Variants in NBEA observed in about 807,000 individuals in gnomAD.
NBEA encodes the protein lysosomal-trafficking regulator 2.
In NBEA, 44 loss-of-function variants were observed where a neutral mutation model predicts 343.4. The observed-to-expected ratio is 0.13, with a 90% CI of 0.10 to 0.16. The LOEUF is 0.16. Among genes scored for constraint, NBEA ranks in the 10% least tolerant of loss-of-function variants. The probability of loss-of-function intolerance (pLI) is 1.00; values close to 1 mark genes in which losing one functional copy is unlikely to be tolerated. For missense variants in NBEA, 2,555 were observed against 3,631.3 expected, an observed-to-expected ratio of 0.70 and a Z score of 7.62; for synonymous variants, 1,175 against 1,238.7, an observed-to-expected ratio of 0.95 and a Z score of 1.08.
intron 36 of NBEA, among the ~76,000 whole-genome samples, chr13:35,330,428 C>T (rs1021569527): frequency 6.6e-6 from 1 of 151,986 alleles, no homozygotes. Flanking sequence ...CGCAGGAGCA[C>T]AGATGGGTTT....
chr13:35,281,668 A>T (rs900250055), intron 34 of NBEA, among the ~76,000 whole-genome samples: 7 of 152,240 alleles, frequency 4.6e-5, no homozygotes, highest in African/African-American at 1.7e-4. Flanking sequence ...ATGATATATT[A>T]TTTAAGTATT....
intron 49 of NBEA, among the ~76,000 whole-genome samples, chr13:35,637,041 C>T (rs2083720446): frequency 6.6e-6 from 1 of 152,094 alleles, no homozygotes. Flanking sequence ...TTTGGTCATT[C>T]CTACCCCAAC....
intron 39 of NBEA, among the ~76,000 whole-genome samples, chr13:35,439,877 T>C (rs1399559821): frequency 6.6e-6 from 1 of 152,082 alleles, no homozygotes; most frequent in East Asian, 1.9e-4. Flanking sequence ...ACTTGATTGA[T>C]TTTTTTTGTT....
At chr13:35,574,530 C>T (rs1468703070) in intron 45 of NBEA, among the ~76,000 whole-genome samples, 1 of 151,998 alleles carries the variant, frequency 6.6e-6, no homozygotes, top group East Asian at 1.9e-4. Context: ...AAAAGAAATG[C>T]GGTCAGTGAG....
chr13:35,564,041 C>G (rs1291934168), intron 44 of NBEA, among the ~76,000 whole-genome samples: 3 of 151,968 alleles, frequency 2.0e-5, no homozygotes, highest in Non-Finnish European at 4.4e-5. Flanking sequence ...CTCCTTCCCT[C>G]TACCCTCAAG....
At chr13:35,670,194 G>C (rs1052340279) in intron 58 of NBEA, among the ~76,000 whole-genome samples, 1 of 152,168 alleles carries the variant, frequency 6.6e-6, no homozygotes, top group Non-Finnish European at 1.5e-5. Flanking sequence ...CCTGAAACCT[G>C]AGTTCAGTCA....
chr13:35,125,624 G>A (rs1040175241), intron 17 of NBEA, among the ~76,000 whole-genome samples: 18 of 152,264 alleles, frequency 1.2e-4, no homozygotes, highest in African/African-American at 4.3e-4. Flanking sequence ...ATGCATGGAA[G>A]TGTCCTGCAG....
chr13:35,074,519 A>G (rs1445666555), intron 10 of NBEA, among the ~76,000 whole-genome samples: 4 of 152,166 alleles, frequency 2.6e-5, no homozygotes, highest in Admixed American at 6.5e-5. Context: ...ATTAGAAACC[A>G]GTGTAATATA....
chr13:35,634,030 A>C (rs1327042336), intron 49 of NBEA, among the ~76,000 whole-genome samples: 1 of 152,014 alleles, frequency 6.6e-6, no homozygotes, highest in African/African-American at 2.4e-5. Flanking sequence ...TATATCCTTT[A>C]TTATCCTTTA....
At chr13:35,007,765 T>C (rs1048003509) in intron 1 of NBEA, among the ~76,000 whole-genome samples, 1 of 152,198 alleles carries the variant, frequency 6.6e-6, no homozygotes, top group Non-Finnish European at 1.5e-5. Flanking sequence ...AGTGCTGGAA[T>C]TACTGGTCTG....
At chr13:34,976,261 A>G (rs2060170565) in intron 1 of NBEA, among the ~76,000 whole-genome samples, 1 of 152,226 alleles carries the variant, frequency 6.6e-6, no homozygotes, top group African/African-American at 2.4e-5. Context: ...GAATGAAATA[A>G]TGGCATTCTC....
intron 41 of NBEA, chr13:35,474,430 A>C (rs1056834504): frequency 6.5e-6 from 1 of 152,702 alleles, no homozygotes; most frequent in African/African-American, 2.4e-5. Context: ...CAATATTTGA[A>C]ACAAAATGTA....
chr13:35,336,881 G>A (rs1472042933), intron 36 of NBEA, among the ~76,000 whole-genome samples: 1 of 152,012 alleles, frequency 6.6e-6, no homozygotes, highest in Non-Finnish European at 1.5e-5. Context: ...TAGAAGGTGG[G>A]ATAAAGGAGA....
At chr13:35,581,219 C>G (rs890250358) in intron 45 of NBEA, among the ~76,000 whole-genome samples, 5 of 152,042 alleles carry the variant, frequency 3.3e-5, no homozygotes, top group Admixed American at 6.6e-5. Flanking sequence ...AATGGTTGAA[C>G]TAGTTTACAG....
intron 38 of NBEA, among the ~76,000 whole-genome samples, chr13:35,386,019 A>G (rs917129703): frequency 9.2e-5 from 14 of 152,142 alleles, no homozygotes; most frequent in Admixed American, 5.9e-4. Context: ...GCCAGGTTTT[A>G]ATTAAAATAC....
At chr13:35,490,379 A>G (rs17052262) in intron 41 of NBEA, among the ~76,000 whole-genome samples, 1,586 of 152,022 alleles carry the variant, frequency 0.01, 35 homozygotes, top group African/African-American at 0.036. Context: ...GTACCACTTT[A>G]TTAGTTAGAC....
At chr13:35,485,676 C>T (rs1236454047) in intron 41 of NBEA, among the ~76,000 whole-genome samples, 2 of 152,082 alleles carry the variant, frequency 1.3e-5, no homozygotes, top group African/African-American at 4.8e-5. Context: ...ACAAATGCCC[C>T]TCTCTATGCA....
At chr13:35,165,231 A>G in intron 24 of NBEA, 1 of 443,082 alleles carries the variant, frequency 2.3e-6, no homozygotes, top group Non-Finnish European at 4.6e-6. Context: ...GTATTTCATC[A>G]TTAACAAGCT....
At chr13:34,972,876 C>A (rs1308479476) in intron 1 of NBEA, among the ~76,000 whole-genome samples, 2 of 152,180 alleles carry the variant, frequency 1.3e-5, no homozygotes, top group Non-Finnish European at 2.9e-5. Context: ...CGAACCCTTG[C>A]TGCAGAAGTG....
Sources: gnomAD v4.1 joint callset for allele counts (sites outside exome capture counted in the v4.1 genomes callset) on GRCh38, gnomAD v4.1.1 for gene constraint, MANE v1.5 for transcripts, NCBI Gene and HGNC (gene_info 2026-07-23, HGNC 2026-07-21) for gene names.